The following FBXO34 variants were observed in gnomAD, a reference collection of about 807,000 sequenced individuals.
FBXO34 encodes the protein F-box only protein 34.
A neutral mutation model predicts 24.5 loss-of-function variants in FBXO34; 12 were observed. The ratio of observed to expected loss-of-function variants is 0.49; its 90% CI spans 0.31 to 0.79. The LOEUF (loss-of-function observed/expected upper bound fraction) is 0.79, where lower values mean the gene tolerates loss of function less well. Among genes scored for constraint, FBXO34 ranks in the 30% least tolerant of loss-of-function variants. FBXO34 has a pLI of 0.04. For missense variants in FBXO34, 823 were observed against 857.7 expected (o/e 0.96, Z 0.51); for synonymous variants, 320 against 311.9 (o/e 1.03, Z -0.27).
chr14:55,323,937 A>G (rs886137615), intron 1 of FBXO34, among the ~76,000 whole-genome samples: 5 of 152,160 alleles, frequency 3.3e-5, no homozygotes, highest in Non-Finnish European at 7.3e-5. Context: ...ACATACCACA[A>G]AATTCACCCT....
intron 1 of FBXO34, among the ~76,000 whole-genome samples, chr14:55,349,670 T>G (rs991876876): frequency 6.9e-6 from 1 of 145,114 alleles, no homozygotes; most frequent in African/African-American, 2.5e-5. Flanking sequence ...GGCAGTGGTG[T>G]GTGCGATCTT....
chr14:55,421,525 G>A, the FBXO34 span, among the ~76,000 whole-genome samples: 7 of 152,114 alleles, frequency 4.6e-5, no homozygotes, highest in South Asian at 2.1e-4. Context: ...GTGCAGTGGC[G>A]CGAACTTGGC....
intron 1 of FBXO34, among the ~76,000 whole-genome samples, chr14:55,290,760 A>C (rs1881919237): frequency 6.6e-6 from 1 of 152,222 alleles, no homozygotes; most frequent in South Asian, 2.1e-4. Flanking sequence ...TGAGAAATGC[A>C]GTCTTTATTA....
the FBXO34 span, among the ~76,000 whole-genome samples, chr14:55,438,366 T>C: frequency 9.2e-5 from 14 of 152,304 alleles, no homozygotes; most frequent in Admixed American, 8.5e-4. Context: ...TTGACCTCTA[T>C]TTCATTATGA....
chr14:55,299,479 C>G (rs1882268865), intron 1 of FBXO34, among the ~76,000 whole-genome samples: 1 of 124,196 alleles, frequency 8.1e-6, no homozygotes. Flanking sequence ...GTAAAATAAA[C>G]TGTGTTTGCA....
intron 1 of FBXO34, chr14:55,299,371 T>G (rs1882262361): frequency 4.1e-6 from 1 of 244,624 alleles, no homozygotes; most frequent in Non-Finnish European, 7.9e-6. Flanking sequence ...CATAGCATGG[T>G]CTGCACCTAG....
chr14:55,336,630 A>G (rs1489957090), intron 1 of FBXO34, among the ~76,000 whole-genome samples: 3 of 152,190 alleles, frequency 2.0e-5, no homozygotes. Context: ...CTTAGCCATC[A>G]TGCAGCTTCA....
the FBXO34 span, among the ~76,000 whole-genome samples, chr14:55,395,440 C>A: frequency 1.3e-5 from 2 of 152,234 alleles, no homozygotes; most frequent in African/African-American, 4.8e-5. Context: ...ATAGCCTCTG[C>A]CTCCCGGGTT....
At chr14:55,290,166 C>T (rs1392164148) in intron 1 of FBXO34, among the ~76,000 whole-genome samples, 6 of 151,694 alleles carry the variant, frequency 4.0e-5, no homozygotes, top group South Asian at 2.1e-4. Context: ...CTGAGGCGGG[C>T]GGATCCCACT....
the FBXO34 span, chr14:55,411,865 A>G: frequency 2.0e-6 from 3 of 1,526,474 alleles, no homozygotes; most frequent in Non-Finnish European, 2.7e-6. Flanking sequence ...TTTTGTTTTC[A>G]ACCGGGTGCA....
the FBXO34 span, among the ~76,000 whole-genome samples, chr14:55,381,470 C>T: frequency 1.3e-5 from 2 of 152,060 alleles, no homozygotes; most frequent in African/African-American, 4.8e-5. Context: ...TATTAACCCC[C>T]AAAAGGTGAG....
At chr14:55,325,398 A>G (rs1883306027) in intron 1 of FBXO34, among the ~76,000 whole-genome samples, 1 of 152,206 alleles carries the variant, frequency 6.6e-6, no homozygotes, top group Non-Finnish European at 1.5e-5. Flanking sequence ...GTGATGGTGT[A>G]GAGCTGTACA....
intron 1 of FBXO34, among the ~76,000 whole-genome samples, chr14:55,279,610 A>G (rs1463625119): frequency 2.6e-5 from 4 of 152,226 alleles, no homozygotes; most frequent in African/African-American, 9.6e-5. Context: ...CTTAAGAACC[A>G]CTGCTAGAAG....
the FBXO34 span, chr14:55,390,831 G>A: frequency 1.0e-6 from 1 of 974,386 alleles, no homozygotes; most frequent in Non-Finnish European, 1.6e-6. Context: ...CTTCCTTTCT[G>A]TGTCCCTCTA....
intron 1 of FBXO34, among the ~76,000 whole-genome samples, chr14:55,330,149 T>TAA (rs1477773077): frequency 6.6e-6 from 1 of 152,210 alleles, no homozygotes; most frequent in Non-Finnish European, 1.5e-5. Flanking sequence ...TACACTTAAT[T>TAA]GCTAACAAAC....
At chr14:55,397,220 T>G in the FBXO34 span, 1 of 724,232 alleles carries the variant, frequency 1.4e-6, no homozygotes, top group Non-Finnish European at 2.4e-6. Flanking sequence ...CTGCTTTACC[T>G]CTCCCACATG....
the FBXO34 span, among the ~76,000 whole-genome samples, chr14:55,409,981 A>T: frequency 1.3e-5 from 2 of 151,812 alleles, no homozygotes; most frequent in South Asian, 4.1e-4. Context: ...TTTGAAGAGT[A>T]GATGGGATTT....
chr14:55,430,197 AC>A, the FBXO34 span, among the ~76,000 whole-genome samples: 1 of 151,814 alleles, frequency 6.6e-6, no homozygotes, highest in Non-Finnish European at 1.5e-5. Flanking sequence ...GGTGAATTCC[AC>A]CCCCCTCATG....
chr14:55,348,112 G>A (rs928032702), intron 1 of FBXO34, among the ~76,000 whole-genome samples: 9 of 152,162 alleles, frequency 5.9e-5, no homozygotes, highest in African/African-American at 2.2e-4. Context: ...TGCAGAAAGG[G>A]GGAAGATCTC....
Sources: gnomAD v4.1 joint callset for allele counts (sites outside exome capture counted in the v4.1 genomes callset) on GRCh38, gnomAD v4.1.1 for gene constraint, MANE v1.5 for transcripts, NCBI Gene and HGNC (gene_info 2026-07-23, HGNC 2026-07-21) for gene names.